Variants in PLPP4 observed in about 807,000 individuals in gnomAD.
PLPP4 encodes the protein diacylglycerol pyrophosphate like 2.
In PLPP4, 20 loss-of-function variants were observed where a neutral mutation model predicts 32.2. That is an observed-to-expected ratio of 0.62 (90% CI 0.44 to 0.90). The LOEUF (loss-of-function observed/expected upper bound fraction) is 0.90, where lower values mean the gene tolerates loss of function less well. Among genes scored for constraint, PLPP4 ranks in the 40% least tolerant of loss-of-function variants. The pLI, the probability that PLPP4 is intolerant of heterozygous loss-of-function variation, is 0.00. For missense variants in PLPP4, 257 were observed against 353.1 expected, an observed-to-expected ratio of 0.73 and a Z score of 2.18; for synonymous variants, 127 against 133.0, an observed-to-expected ratio of 0.95 and a Z score of 0.31.
intron 5 of PLPP4, among the ~76,000 whole-genome samples, chr10:120,541,329 T>C (rs1489061605): frequency 6.6e-6 from 1 of 152,174 alleles, no homozygotes; most frequent in Non-Finnish European, 1.5e-5. Flanking sequence ...GAAGATTAAA[T>C]GGGATAATGC....
chr10:120,518,449 G>A (rs1056982773), intron 3 of PLPP4, among the ~76,000 whole-genome samples: 1 of 152,182 alleles, frequency 6.6e-6, no homozygotes, highest in Admixed American at 6.5e-5. Context: ...TGTCTGAGAA[G>A]GTTGCCAGGA....
At chr10:120,568,387 G>A (rs188822113) in intron 5 of PLPP4, among the ~76,000 whole-genome samples, 2 of 152,302 alleles carry the variant, frequency 1.3e-5, no homozygotes, top group East Asian at 3.9e-4. Flanking sequence ...GGCAGGAGGA[G>A]TTGAGGCTAC....
chr10:120,542,982 G>A (rs1278720105), intron 5 of PLPP4, among the ~76,000 whole-genome samples: 1 of 152,232 alleles, frequency 6.6e-6, no homozygotes, highest in Non-Finnish European at 1.5e-5. Context: ...TAGGGACCAT[G>A]TGCATGTAGA....
rs192476500 is a variant in PLPP4 at position 120,588,597 on chromosome 10, T to A, written c.617-706T>A. Among the ~76,000 whole-genome samples the A allele has an allele frequency of 2.4e-3, 366 of 152,290 alleles. 7 individuals carry two copies. The highest frequency in any genetic ancestry group is 8.3e-3 in the African/African-American group (345 of 41,554). ...GCACACCAGCAATACTACAGGACTC[T>A]GATGGGAACTTACTAAAGAAAAAAA... On this transcript the variant is annotated intron_variant, in intron 6 of 6. Coordinates refer to ENST00000398250, the MANE Select transcript of PLPP4 (RefSeq NM_001030059.3).
At chr10:120,458,365 C>T (rs934972838) in intron 1 of PLPP4, among the ~76,000 whole-genome samples, 5 of 152,156 alleles carry the variant, frequency 3.3e-5, no homozygotes, top group African/African-American at 1.2e-4. Flanking sequence ...ATTTGCCATG[C>T]ATTTATTTAT....
chr10:120,460,448 G>A (rs375282156), intron 1 of PLPP4, among the ~76,000 whole-genome samples: 125 of 152,302 alleles, frequency 8.2e-4, no homozygotes, highest in African/African-American at 2.9e-3. Context: ...GACCAATGGT[G>A]CACTACTAGA....
At chr10:120,482,401 G>A (rs1482545853) in intron 1 of PLPP4, among the ~76,000 whole-genome samples, 1 of 152,188 alleles carries the variant, frequency 6.6e-6, no homozygotes, top group Non-Finnish European at 1.5e-5. Flanking sequence ...TTATATTTTA[G>A]CAAAGAGACT....
At chr10:120,513,623 C>T (rs979567003) in intron 2 of PLPP4, among the ~76,000 whole-genome samples, 6 of 152,272 alleles carry the variant, frequency 3.9e-5, no homozygotes, top group South Asian at 2.1e-4. Flanking sequence ...CATGATTCAT[C>T]GTAATTATAG....
intron 5 of PLPP4, among the ~76,000 whole-genome samples, chr10:120,524,242 C>T (rs1846292349): frequency 1.3e-5 from 2 of 152,130 alleles, no homozygotes; most frequent in Non-Finnish European, 2.9e-5. Context: ...TTAGAAAAAA[C>T]ACCGATGCTG....
upstream of PLPP4, chr10:120,457,151 C>T (rs964115988): frequency 6.1e-6 from 2 of 326,170 alleles, no homozygotes; most frequent in South Asian, 1.3e-4. Flanking sequence ...GAGCCCTCCC[C>T]GGCGCCTGCC....
At chr10:120,513,671 A>G (rs535350878) in intron 2 of PLPP4, among the ~76,000 whole-genome samples, 60 of 152,302 alleles carry the variant, frequency 3.9e-4, no homozygotes, top group African/African-American at 1.3e-3. Context: ...TGCTTTAAAC[A>G]TGGCTCTCAG....
chr10:120,465,946 G>A lies in PLPP4; in HGVS notation c.56+8585G>A, dbSNP rs558311847. Among the ~76,000 whole-genome samples the A allele has an allele frequency of 9.9e-5, 15 of 152,126 alleles. 1 individual carries two copies. In the South Asian group the frequency reaches 2.1e-3, roughly 21 times the overall value. Reference sequence around the variant, plus strand: ...CAATTCATTTATTCATTTTACCCACGGATATATGGGATATTTATCATTTTT... The same window carrying A: ...CAATTCATTTATTCATTTTACCCACAGATATATGGGATATTTATCATTTTT... On this transcript the variant is annotated intron_variant, in intron 1 of 6. Coordinates refer to ENST00000398250, the MANE Select transcript of PLPP4 (RefSeq NM_001030059.3).
At chr10:120,483,118 G>T (rs1844287217) in intron 1 of PLPP4, among the ~76,000 whole-genome samples, 2 of 152,210 alleles carry the variant, frequency 1.3e-5, no homozygotes, top group African/African-American at 4.8e-5. Context: ...AATGCTGCCT[G>T]CCCTCGAACA....
intron 5 of PLPP4, among the ~76,000 whole-genome samples, chr10:120,565,282 A>G (rs1054802469): frequency 6.6e-6 from 1 of 151,196 alleles, no homozygotes; most frequent in Non-Finnish European, 1.5e-5. Context: ...TGCCTAAAAC[A>G]TATCCCTTAC....
intron 5 of PLPP4, among the ~76,000 whole-genome samples, chr10:120,530,510 G>A (rs941096898): frequency 6.6e-6 from 1 of 152,062 alleles, no homozygotes; most frequent in Non-Finnish European, 1.5e-5. Flanking sequence ...TTGTTGAAAT[G>A]TATTTCACTA....
At chr10:120,523,359 T>TA (rs1846248313) in intron 5 of PLPP4, among the ~76,000 whole-genome samples, 1 of 152,156 alleles carries the variant, frequency 6.6e-6, no homozygotes, top group Non-Finnish European at 1.5e-5. Flanking sequence ...TCCTGTGACT[T>TA]ACGGCAGAAC....
intron 6 of PLPP4, among the ~76,000 whole-genome samples, chr10:120,586,121 CTTTTTCTT>C (rs1849740914): frequency 1.0e-5 from 1 of 95,490 alleles, no homozygotes; most frequent in Admixed American, 1.1e-4. Context: ...TTTCTCTTTT[CTTTTTCTT>C]TTTTTCTTTT....
At chr10:120,518,261 G>C (rs545560350) in intron 3 of PLPP4, among the ~76,000 whole-genome samples, 1 of 152,100 alleles carries the variant, frequency 6.6e-6, no homozygotes, top group Non-Finnish European at 1.5e-5. Flanking sequence ...AGCACCGCCC[G>C]GGCAGACCTT....
At chr10:120,582,954 A>G (rs1416307694) in intron 6 of PLPP4, among the ~76,000 whole-genome samples, 2 of 151,914 alleles carry the variant, frequency 1.3e-5, no homozygotes, top group Admixed American at 1.3e-4. Flanking sequence ...ACTTCCTGCT[A>G]GGTAAGCTCT....
Sources: allele counts gnomAD v4.1 joint callset (sites outside exome capture counted in the v4.1 genomes callset), GRCh38; gene constraint gnomAD v4.1.1; transcripts MANE v1.5; gene names NCBI Gene and HGNC (gene_info 2026-07-23, HGNC 2026-07-21).